Variants in PCDHA9 observed in about 807,000 individuals in gnomAD.
PCDHA9 encodes the protein protocadherin alpha-9.
A neutral mutation model predicts 62.0 loss-of-function variants in PCDHA9; 62 were observed. The observed-to-expected ratio is 1.00, with a 90% confidence interval of 0.81 to 1.23. The LOEUF is 1.23. Ranked by LOEUF, PCDHA9 falls within the 50% of genes most tolerant of loss-of-function variation. PCDHA9 has a pLI of 0.00. For missense variants in PCDHA9, 1,205 were observed against 1,249.8 expected, an observed-to-expected ratio of 0.96 and a Z score of 0.54; for synonymous variants, 557 against 567.6, an observed-to-expected ratio of 0.98 and a Z score of 0.27.
intron 1 of PCDHA9, chr5:140,881,964 A>G (rs1297923565): frequency 8.1e-6 from 3 of 368,944 alleles, no homozygotes; most frequent in East Asian, 9.0e-5. Context: ...TTAATCTTCA[A>G]TTACATATTT....
At chr5:140,960,067 A>T (rs1423900287) in intron 1 of PCDHA9, among the ~76,000 whole-genome samples, 1 of 152,228 alleles carries the variant, frequency 6.6e-6, no homozygotes, top group East Asian at 1.9e-4. Context: ...AGAAGATTCA[A>T]TTGAAGTTTC....
At chr5:140,933,901 CAT>C (rs1354614736) in intron 1 of PCDHA9, among the ~76,000 whole-genome samples, 33 of 151,882 alleles carry the variant, frequency 2.2e-4, no homozygotes, top group African/African-American at 7.7e-4. Flanking sequence ...AATATTTTGG[CAT>C]AAAGTTGTTT....
intron 1 of PCDHA9, among the ~76,000 whole-genome samples, chr5:140,914,220 C>T (rs1210445622): frequency 6.6e-6 from 1 of 152,212 alleles, no homozygotes; most frequent in South Asian, 2.1e-4. Flanking sequence ...TCTCTTTTAG[C>T]TCTAATACTA....
chr5:140,915,665 G>A (rs1208319882), intron 1 of PCDHA9, among the ~76,000 whole-genome samples: 1 of 149,092 alleles, frequency 6.7e-6, no homozygotes, highest in African/African-American at 2.5e-5. Context: ...TCAAGGTGCT[G>A]GGCCATCTTG....
intron 1 of PCDHA9, chr5:140,875,854 G>T: frequency 1.2e-6 from 2 of 1,614,160 alleles, no homozygotes; most frequent in East Asian, 4.5e-5. Flanking sequence ...GGACATTAAC[G>T]ACAACCCGCC....
In PCDHA9 at chr5:140,877,669, G is replaced by A. The variant is rs548426920; in HGVS notation, c.2394+26780G>A. The A allele has an allele frequency of 1.4e-4, 219 of 1,613,638 alleles. 3 individuals are homozygous for A. The South Asian group carries it at 2.2e-3, about 17-fold the overall frequency. On this transcript the variant is annotated intron_variant, in intron 1 of 3. Coordinates refer to ENST00000532602, the MANE Select transcript of PCDHA9 (RefSeq NM_031857.2). ...AGCGCCGCCCACCGTGAGCCGGTGC[G>A]CGCCGGGCAAGCCCACGCTGGTGTG...
At chr5:140,914,140 T>C (rs1006570934) in intron 1 of PCDHA9, among the ~76,000 whole-genome samples, 2 of 152,230 alleles carry the variant, frequency 1.3e-5, no homozygotes, top group African/African-American at 4.8e-5. Flanking sequence ...AGTTTTTGTC[T>C]GTCAGTTCTG....
chr5:141,009,634 G>A lies in PCDHA9; in HGVS notation c.2550G>A (p.Glu850=). The change falls in exon 4 of 4, where the codon GAG becomes GAA. Residue 850 remains glutamate (E), a synonymous_variant. Transcript: ENST00000532602. Reference sequence around the variant, plus strand: ...TAATGTTTTGTCTTTCAGAACCAGAGGCAGGAGAAGTGTCCCCTCCAGTCG... The same window carrying A: ...TAATGTTTTGTCTTTCAGAACCAGAAGCAGGAGAAGTGTCCCCTCCAGTCG... The part of the protein sequence containing the change: ...PTVSSATPEP[E]AGEVSPPVGA... The A allele has an allele frequency of 6.2e-7, 1 of 1,613,116 alleles. No individual in the cohort carries two copies. The highest frequency in any genetic ancestry group is 8.5e-7 in the Non-Finnish European group (1 of 1,179,406).
At chr5:140,870,657 G>T (rs782619046) in intron 1 of PCDHA9, 1 of 1,612,514 alleles carries the variant, frequency 6.2e-7, no homozygotes, top group Non-Finnish European at 8.5e-7. Context: ...AGGTGTACGC[G>T]CTGCAGCCGT....
chr5:140,989,939 C>T (rs533490284), intron 3 of PCDHA9, among the ~76,000 whole-genome samples: 2 of 152,004 alleles, frequency 1.3e-5, no homozygotes, highest in South Asian at 2.1e-4. Flanking sequence ...TGACATTCCA[C>T]GTTTTTCTCG....
chr5:141,004,531 C>A (rs1051693064), intron 3 of PCDHA9, among the ~76,000 whole-genome samples: 2 of 152,234 alleles, frequency 1.3e-5, no homozygotes, highest in Admixed American at 1.3e-4. Flanking sequence ...ATACACACAG[C>A]CATTAATGTC....
At chr5:140,949,144 T>C (rs2094347159) in intron 1 of PCDHA9, among the ~76,000 whole-genome samples, 1 of 151,806 alleles carries the variant, frequency 6.6e-6, no homozygotes, top group Non-Finnish European at 1.5e-5. Context: ...TTGTTGCTTT[T>C]GATTTCTAAT....
intron 1 of PCDHA9, among the ~76,000 whole-genome samples, chr5:140,916,791 G>A (rs1159820496): frequency 6.6e-6 from 1 of 152,128 alleles, no homozygotes; most frequent in Admixed American, 6.5e-5. Flanking sequence ...AGCTGCCCCA[G>A]CTGATGACTT....
intron 1 of PCDHA9, among the ~76,000 whole-genome samples, chr5:140,912,343 A>ATT (rs35252606): frequency 2.1e-4 from 30 of 143,908 alleles, no homozygotes; most frequent in African/African-American, 6.1e-4. Context: ...TACACTAAGT[A>ATT]TTTTTTTTTT....
chr5:140,985,416 G>A (rs1554247041), intron 3 of PCDHA9, among the ~76,000 whole-genome samples: 1 of 152,142 alleles, frequency 6.6e-6, no homozygotes, highest in Non-Finnish European at 1.5e-5. Flanking sequence ...GAAATGGAGT[G>A]AGGAGGATTT....
intron 1 of PCDHA9, chr5:140,869,203 T>C: frequency 6.2e-7 from 1 of 1,614,000 alleles, no homozygotes; most frequent in Non-Finnish European, 8.5e-7. Flanking sequence ...GCTCCACTAC[T>C]CCGTCTCGGA....
chr5:140,940,643 T>A (rs2092660320), intron 1 of PCDHA9, among the ~76,000 whole-genome samples: 1 of 152,226 alleles, frequency 6.6e-6, no homozygotes, highest in Non-Finnish European at 1.5e-5. Flanking sequence ...TGTCATTTAT[T>A]TATTTAAATA....
chr5:140,870,353 T>C lies in PCDHA9; in HGVS notation c.2394+19464T>C, dbSNP rs782038424. On this transcript the variant is annotated intron_variant, in intron 1 of 3. Transcript: ENST00000532602. ...GACAGCGCCCTGGACCGCGAGAACG[T>C]GTGGGCCTATGAACTGGTGGTGACT... is the stretch of plus-strand genomic sequence containing the variant. The C allele has an allele frequency of 3.7e-6, 6 of 1,614,002 alleles. No homozygotes were observed. The Admixed American group carries it at 8.3e-5, about 22-fold the overall frequency.
chr5:140,936,834 T>TA (rs1554211213), intron 1 of PCDHA9, among the ~76,000 whole-genome samples: 1 of 152,210 alleles, frequency 6.6e-6, no homozygotes, highest in African/African-American at 2.4e-5. Context: ...CATTTCTATA[T>TA]AAATTGTAGA....
Sources: allele counts gnomAD v4.1 joint callset (sites outside exome capture counted in the v4.1 genomes callset), GRCh38; gene constraint gnomAD v4.1.1; transcripts MANE v1.5; gene names NCBI Gene and HGNC (gene_info 2026-07-23, HGNC 2026-07-21).